HDAC4: variants seen among roughly 807,000 people sequenced by gnomAD.
The protein encoded by HDAC4 is histone deacetylase 4.
A neutral mutation model predicts 135.1 loss-of-function variants in HDAC4; 16 were observed. The observed-to-expected ratio is 0.12, with a 90% confidence interval of 0.08 to 0.18. The LOEUF is 0.18. Ranked by LOEUF, HDAC4 falls within the 10% of genes least tolerant of loss-of-function variation. The pLI is 1.00. For missense variants in HDAC4, 1,143 were observed against 1,511.8 expected, an observed-to-expected ratio of 0.76 and a Z score of 4.05; for synonymous variants, 685 against 653.4, an observed-to-expected ratio of 1.05 and a Z score of -0.74.
chr2:239,163,423 C>T (rs574341402), intron 6 of HDAC4, among the ~76,000 whole-genome samples: 2 of 152,316 alleles, frequency 1.3e-5, no homozygotes, highest in Admixed American at 6.5e-5. Context: ...ATGAGGACGG[C>T]CACCGTGTGA....
chr2:239,210,511 G>A (rs921401882), intron 3 of HDAC4, among the ~76,000 whole-genome samples: 2 of 152,160 alleles, frequency 1.3e-5, no homozygotes, highest in Non-Finnish European at 2.9e-5. Context: ...GGGGAGTGGT[G>A]AATGGCTTTA....
At chr2:239,095,697 G>A (rs536442917) in intron 16 of HDAC4, among the ~76,000 whole-genome samples, 1 of 152,278 alleles carries the variant, frequency 6.6e-6, no homozygotes, top group East Asian at 1.9e-4. Context: ...CACTGCTCTG[G>A]CACCCGCGCC....
At chr2:239,204,704 C>T (rs997056917) in intron 3 of HDAC4, among the ~76,000 whole-genome samples, 2 of 152,170 alleles carry the variant, frequency 1.3e-5, no homozygotes, top group African/African-American at 2.4e-5. Context: ...CCGCTTCTCG[C>T]CCTTCAACAG....
At chr2:239,315,177 C>T (rs11885793) in intron 2 of HDAC4, among the ~76,000 whole-genome samples, 36,204 of 152,036 alleles carry the variant, frequency 0.24, 4,664 homozygotes, top group African/African-American at 0.31. Context: ...TTCGAGTTGT[C>T]CCGCGTTTCT....
chr2:239,102,825 A>G lies in HDAC4; in HGVS notation c.2184T>C (p.Tyr728=), dbSNP rs1300093511. ...TCTGCCGGTTGAGGGGGTTCGTGCC[A>G]TACAGGAGGGTGTGGGCTTCCGAGT... The part of the protein sequence containing the change: ...TVHSEAHTLL[Y]GTNPLNRQKL... The change falls in exon 16 of 27, where the codon TAT becomes TAC. Residue 728 remains tyrosine, a synonymous_variant. Coordinates refer to ENST00000543185, the MANE Select transcript of HDAC4 (RefSeq NM_001378414.1). The G allele has an allele frequency of 6.2e-7, 1 of 1,613,948 alleles. No individual in the cohort carries two copies. The highest frequency in any genetic ancestry group is 2.2e-5 in the East Asian group (1 of 44,876).
chr2:239,055,071 C>A (rs771625797), intron 24 of HDAC4: 14 of 445,662 alleles, frequency 3.1e-5, no homozygotes, highest in Non-Finnish European at 5.4e-5. Flanking sequence ...CTACAAGTAG[C>A]AGGAAGAAAG....
Position 239,049,560 on chromosome 2 carries a change from CTGTG to C in HDAC4, c.*3533_*3536del, listed in dbSNP as rs2030503627. 6.6e-6 allele frequency: 1 copy of C among 152,512 alleles called. No homozygotes were observed. Among genetic ancestry groups the C allele is most frequent in the Non-Finnish European group, 1.5e-5 (1 of 68,036 alleles). 9.4% of individuals were successfully genotyped at this position (152,512 alleles called of 1,614,324 possible). A position where few individuals can be genotyped will look rare whatever the true frequency, so the allele number is the denominator to read the frequency against. On this transcript the variant is annotated 3_prime_UTR_variant, in exon 27 of 27. Coordinates refer to ENST00000543185, the MANE Select transcript of HDAC4 (RefSeq NM_001378414.1). ...AAAGAAGAATGGAATGAGCACGTGG[CTGTG>C]ACCAGTAAAGAAGGAATGTTCTGAT...
At chr2:239,401,193 C>G (rs901246136), upstream of HDAC4, among the ~76,000 whole-genome samples, 1 of 151,804 alleles carries the variant, frequency 6.6e-6, no homozygotes, top group African/African-American at 2.4e-5. Context: ...GCCTCCCGCC[C>G]GCCCGCCCCG....
At position 239,380,383 on chromosome 2, in the gene HDAC4, A is replaced by G; in HGVS notation, c.-220+20595T>C. On this transcript the variant is annotated intron_variant, in intron 1 of 26. Coordinates refer to ENST00000543185, the MANE Select transcript of HDAC4 (RefSeq NM_001378414.1). Reference sequence around the variant, plus strand: ...CACATTTACTATGTATTCTATATTGATAATATAGACATATTTTATCTATGT... The same window carrying G: ...CACATTTACTATGTATTCTATATTGGTAATATAGACATATTTTATCTATGT... Among the ~76,000 whole-genome samples, 4 of 152,328 alleles carry G rather than the reference A, an allele frequency of 2.6e-5. No individual in the cohort carries two copies. The Middle Eastern group carries it at 0.014, about 518-fold the overall frequency.
At chr2:239,335,394 G>T (rs1019230694) in intron 2 of HDAC4, among the ~76,000 whole-genome samples, 8 of 147,442 alleles carry the variant, frequency 5.4e-5, no homozygotes, top group African/African-American at 2.0e-4. Flanking sequence ...GTGGATCACA[G>T]ATCTAAATGA....
At chr2:239,328,093 C>T (rs1267213591) in intron 2 of HDAC4, among the ~76,000 whole-genome samples, 1 of 152,234 alleles carries the variant, frequency 6.6e-6, no homozygotes, top group Non-Finnish European at 1.5e-5. Flanking sequence ...CACACATTCC[C>T]ACCATCCACC....
chr2:239,113,216 C>T (rs1173932039), intron 13 of HDAC4, among the ~76,000 whole-genome samples: 2 of 152,204 alleles, frequency 1.3e-5, no homozygotes, highest in East Asian at 3.8e-4. Flanking sequence ...CACCACTGCA[C>T]TCTAGCCTGG....
At chr2:239,368,260 G>C (rs1240491302) in intron 1 of HDAC4, among the ~76,000 whole-genome samples, 1 of 152,180 alleles carries the variant, frequency 6.6e-6, no homozygotes, top group Non-Finnish European at 1.5e-5. Flanking sequence ...CGGAGACACA[G>C]GAGGGCCCTG....
At chr2:239,059,121 A>G (rs2032297967) in intron 24 of HDAC4, among the ~76,000 whole-genome samples, 1 of 152,248 alleles carries the variant, frequency 6.6e-6, no homozygotes, top group Non-Finnish European at 1.5e-5. Context: ...AAATCATAAC[A>G]GACATCAGGA....
At chr2:239,246,955 T>C (rs2124859297) in intron 2 of HDAC4, among the ~76,000 whole-genome samples, 1 of 152,368 alleles carries the variant, frequency 6.6e-6, no homozygotes, top group Admixed American at 6.5e-5. Context: ...ATGCACCGTG[T>C]GCAGTTTCAC....
In HDAC4 at chr2:239,053,677, C is replaced by A; in HGVS notation, c.3089-76G>T. On this transcript the variant is annotated intron_variant, in intron 25 of 26. Transcript: ENST00000543185. ...TGCACTGAGGCCCGGGAAGGTCCTGCGGGACCCTGAGCCTCAAACCAGATT... is the reference window on the plus strand; with the variant it reads ...TGCACTGAGGCCCGGGAAGGTCCTGAGGGACCCTGAGCCTCAAACCAGATT... 4.5e-6 allele frequency: 6 copies of A among 1,320,526 alleles called. No homozygotes were observed. The South Asian group carries it at 6.1e-5, about 13-fold the overall frequency. The allele number at this position is 1,320,526 out of a possible 1,614,324, so 81.8% of individuals were successfully genotyped here. A position where few individuals can be genotyped will look rare whatever the true frequency, so the allele number is the denominator to read the frequency against.
At chr2:239,280,519 C>T (rs956540925) in intron 2 of HDAC4, among the ~76,000 whole-genome samples, 15 of 152,150 alleles carry the variant, frequency 9.9e-5, no homozygotes, top group Non-Finnish European at 2.1e-4. Flanking sequence ...GCACGCCTCC[C>T]CACCTGGTCC....
chr2:239,286,355 G>A (rs1047967116), intron 2 of HDAC4, among the ~76,000 whole-genome samples: 1 of 152,232 alleles, frequency 6.6e-6, no homozygotes, highest in Non-Finnish European at 1.5e-5. Flanking sequence ...GATTCGGTGA[G>A]TGAGAAGATC....
At chr2:239,084,791 C>A (rs1354118488) in intron 19 of HDAC4, among the ~76,000 whole-genome samples, 4 of 149,200 alleles carry the variant, frequency 2.7e-5, no homozygotes, top group Non-Finnish European at 6.0e-5. Context: ...CAGACACACA[C>A]CCCACACACA....
Sources: gnomAD v4.1 joint callset for allele counts (sites outside exome capture counted in the v4.1 genomes callset) on GRCh38, gnomAD v4.1.1 for gene constraint, MANE v1.5 for transcripts, NCBI Gene and HGNC (gene_info 2026-07-23, HGNC 2026-07-21) for gene names.